CX3CL1: variants seen among roughly 807,000 people sequenced by gnomAD.
The protein encoded by CX3CL1 is C-X3-C motif chemokine ligand 1.
CX3CL1 carries 1 observed loss-of-function variant against 14.1 expected under a neutral mutation model. The observed-to-expected ratio is 0.07, with a 90% CI of 0.03 to 0.34. The LOEUF is 0.34. CX3CL1 is among the 10% of genes least tolerant of loss of function. The pLI, the probability that CX3CL1 is intolerant of heterozygous loss-of-function variation, is 0.99. For missense variants in CX3CL1, 505 were observed against 536.4 expected (o/e 0.94, Z 0.58); for synonymous variants, 255 against 229.6 (o/e 1.11, Z -1.00).
chr16:57,379,569 G>A, intron 1 of CX3CL1, 65 bp from the exon 2 acceptor site: 1 of 1,606,446 alleles, frequency 6.2e-7, no homozygotes, highest in Non-Finnish European at 8.5e-7. Context: ...GGACAATCTG[G>A]CACGGGGTTG....
rs1902356377 is a variant in CX3CL1 at position 57,382,997 on chromosome 16, T to C, written c.1159T>C (p.Cys387Arg). Reference sequence around the variant, plus strand: ...GGGCCTTCGCTACATCCCCCGGAGCTGTGGTAGTAATTCATATGTCCTGGT... The same window carrying C: ...GGGCCTTCGCTACATCCCCCGGAGCCGTGGTAGTAATTCATATGTCCTGGT... ...AEGLRYIPRS[C>R]GSNSYVLVPV The change falls in exon 3 of 3, where the codon TGT becomes CGT. Residue 387 changes from cysteine (C) to arginine (R), a missense_variant. By Grantham distance (180) the Cys-to-Arg change is radical (BLOSUM62 -3). Transcript: ENST00000006053. This position sits in a 1 kb window ranked among gnomAD's most constrained non-coding sequence, Gnocchi z 6.9. The C allele has an allele frequency of 6.7e-7, 1 of 1,498,096 alleles. No individual in the cohort carries two copies. Among genetic ancestry groups the C allele is most frequent in the Admixed American group, 2.3e-5 (1 of 43,474 alleles). 92.8% of individuals were successfully genotyped at this position (1,498,096 alleles called of 1,614,324 possible).
intron 1 of CX3CL1, among the ~76,000 whole-genome samples, chr16:57,376,493 T>G (rs1380570521): frequency 6.8e-6 from 1 of 147,622 alleles, no homozygotes; most frequent in Non-Finnish European, 1.5e-5. Flanking sequence ...GATGGATGGG[T>G]GGATAGATGG....
chr16:57,373,002 G>A (rs1464775783), intron 1 of CX3CL1, among the ~76,000 whole-genome samples: 2 of 152,190 alleles, frequency 1.3e-5, no homozygotes, highest in African/African-American at 4.8e-5. Flanking sequence ...GGCCCTGGCT[G>A]ACAGTGGCTG....
chr16:57,382,057 C>T lies in CX3CL1; in HGVS notation c.219C>T (p.Phe73=). Residue 73 remains phenylalanine (F), a synonymous_variant, in exon 3 of 3, where the codon TTC becomes TTT. Coordinates refer to ENST00000006053, the MANE Select transcript of CX3CL1 (RefSeq NM_002996.6). The surrounding 1 kb of genome is among the most constrained non-coding windows in gnomAD (Gnocchi z 6.9). Reference sequence around the variant, plus strand: ...TGGAGACGAGACAGCACAGGCTGTTCTGTGCCGACCCGAAGGAGCAATGGG... The same window carrying T: ...TGGAGACGAGACAGCACAGGCTGTTTTGTGCCGACCCGAAGGAGCAATGGG... The part of the protein sequence containing the change: ...IILETRQHRL[F]CADPKEQWVK... The T allele has an allele frequency of 6.2e-7, 1 of 1,601,716 alleles. No homozygotes were observed. The highest frequency in any genetic ancestry group is 8.5e-7 in the Non-Finnish European group (1 of 1,171,072).
At chr16:57,374,911 C>T (rs377453548) in intron 1 of CX3CL1, among the ~76,000 whole-genome samples, 30 of 152,180 alleles carry the variant, frequency 2.0e-4, no homozygotes, top group South Asian at 1.0e-3. Flanking sequence ...GAGGCCAAGG[C>T]GGGCAGATCA....
At chr16:57,375,677 G>T (rs2146509416) in intron 1 of CX3CL1, among the ~76,000 whole-genome samples, 1 of 152,342 alleles carries the variant, frequency 6.6e-6, no homozygotes, top group South Asian at 2.1e-4. Context: ...CTGGGCAATG[G>T]CTCAAGCCCT....
intron 1 of CX3CL1, 66 bp downstream of exon 1, chr16:57,372,704 G>T: frequency 6.4e-7 from 1 of 1,563,498 alleles, no homozygotes; most frequent in East Asian, 2.2e-5. Context: ...TATCCCTCAA[G>T]CCTGACATCA....
intron 1 of CX3CL1, among the ~76,000 whole-genome samples, chr16:57,376,587 G>A (rs182809492): frequency 6.6e-6 from 1 of 151,830 alleles, no homozygotes; most frequent in African/African-American, 2.4e-5. Flanking sequence ...GATGAGGGAT[G>A]GATGAGTAGG....
chr16:57,373,580 T>G (rs1902207187), intron 1 of CX3CL1, among the ~76,000 whole-genome samples: 1 of 152,140 alleles, frequency 6.6e-6, no homozygotes, highest in African/African-American at 2.4e-5. Context: ...GAATGAGAAG[T>G]AGTCCCCACT....
chr16:57,376,580 G>T (rs1391089717), intron 1 of CX3CL1, among the ~76,000 whole-genome samples: 1 of 151,566 alleles, frequency 6.6e-6, no homozygotes, highest in African/African-American at 2.4e-5. Context: ...AGGGGATGAT[G>T]AGGGATGGAT....
Position 57,384,731 on chromosome 16 carries a change from G to A in CX3CL1, c.*1699G>A, listed in dbSNP as rs542523601. On this transcript the variant is annotated 3_prime_UTR_variant, in exon 3 of 3. Transcript: ENST00000006053. ...TCAGGAAGCTCAGGGCCTGGCTCAG[G>A]TGGGGTCACTCTGGCAGCTCAGAGA... 1 of 152,598 alleles carries A rather than the reference G, an allele frequency of 6.6e-6. No individual in the cohort carries two copies. Among genetic ancestry groups the A allele is most frequent in the South Asian group, 2.1e-4 (1 of 4,836 alleles). 9.5% of individuals were successfully genotyped at this position (152,598 alleles called of 1,614,324 possible). A position where few individuals can be genotyped will look rare whatever the true frequency, so the allele number is the denominator to read the frequency against.
chr16:57,379,641 C>G lies in CX3CL1; in HGVS notation c.78C>G (p.His26Gln). 6.2e-7 allele frequency: 1 copy of G among 1,614,194 alleles called. No individual in the cohort carries two copies. Among genetic ancestry groups the G allele is most frequent in the South Asian group, 1.1e-5 (1 of 91,074 alleles). ...CHLTVLLAGQ[H>Q]HGVTKCNITC... ...GAACCTCTTTGAACTCAGGACAGCA[C>G]CACGGTGTGACGAAATGCAACATCA... Residue 26 changes from histidine (H) to glutamine (Q), a missense_variant, in exon 2 of 3, where the codon CAC becomes CAG. Coordinates refer to ENST00000006053, the MANE Select transcript of CX3CL1 (RefSeq NM_002996.6).
At chr16:57,374,949 T>C (rs937123068) in intron 1 of CX3CL1, among the ~76,000 whole-genome samples, 2 of 152,222 alleles carry the variant, frequency 1.3e-5, no homozygotes, top group South Asian at 2.1e-4. Context: ...AAGACCAGCC[T>C]GGCCAACATC....
chr16:57,382,670 TG>T lies in CX3CL1; in HGVS notation c.837del (p.Pro280LeufsTer149). 6.2e-7 allele frequency: 1 copy of T among 1,612,298 alleles called. No individual in the cohort carries two copies. Among genetic ancestry groups the T allele is most frequent in the Non-Finnish European group, 8.5e-7 (1 of 1,178,946 alleles). On this transcript the variant is annotated frameshift_variant, in exon 3 of 3. Coordinates refer to ENST00000006053, the MANE Select transcript of CX3CL1 (RefSeq NM_002996.6). LOFTEE classifies it high-confidence loss of function. This position sits in a 1 kb window ranked among gnomAD's most constrained non-coding sequence, Gnocchi z 6.9. ...AGCGCACACGGATGCCTTCCAGGACTGGGGGCCTGGCAGCATGGCCCACGTC... is the reference window on the plus strand; with the variant it reads ...AGCGCACACGGATGCCTTCCAGGACTGGGGCCTGGCAGCATGGCCCACGTC... The part of the protein sequence containing the change: ...VPAHTDAFQD[W>X]GPGSMAHVSV...
chr16:57,381,966 C>G, intron 2 of CX3CL1, 64 bp from the exon 3 acceptor site: 2 of 1,504,740 alleles, frequency 1.3e-6, no homozygotes, highest in Non-Finnish European at 1.8e-6. Flanking sequence ...TGTGCCCCCA[C>G]ACCACGCTGG....
At chr16:57,372,846 G>T (rs772048321) in intron 1 of CX3CL1, among the ~76,000 whole-genome samples, 2 of 152,120 alleles carry the variant, frequency 1.3e-5, no homozygotes, top group African/African-American at 2.4e-5. Flanking sequence ...GCCAGCGACC[G>T]CCCTGCCTGG....
chr16:57,379,459 A>G, intron 1 of CX3CL1, 175 bp from the exon 2 acceptor site: 1 of 608,140 alleles, frequency 1.6e-6, no homozygotes, highest in Non-Finnish European at 2.8e-6. Flanking sequence ...AGGTGGGGAA[A>G]CTGAGGCATA....
At chr16:57,381,607 A>T (rs1902320488) in intron 2 of CX3CL1, among the ~76,000 whole-genome samples, 1 of 152,126 alleles carries the variant, frequency 6.6e-6, no homozygotes, top group African/African-American at 2.4e-5. Context: ...AATATTATCG[A>T]CATTGTTATT....
At chr16:57,372,690 T>C (rs755823983) in intron 1 of CX3CL1, 52 bp downstream of exon 1, 18 of 1,588,908 alleles carry the variant, frequency 1.1e-5, no homozygotes, top group Non-Finnish European at 1.6e-5. Context: ...CCCAGCCCCT[T>C]GTCTATCCCT....
Sources: gnomAD v4.1 joint callset for allele counts (sites outside exome capture counted in the v4.1 genomes callset) on GRCh38, gnomAD v4.1.1 for gene constraint, Gnocchi (gnomAD v3.1) non-coding constraint, MANE v1.5 for transcripts, NCBI Gene and HGNC (gene_info 2026-07-23, HGNC 2026-07-21) for gene names.